The following TRMT9B variants were observed in gnomAD, a reference collection of about 807,000 sequenced individuals.
TRMT9B encodes probable tRNA methyltransferase 9B.
In TRMT9B, 16 loss-of-function variants were observed where a neutral mutation model predicts 11.5. That is an observed-to-expected ratio of 1.39 (90% CI 0.94 to 2.11). TRMT9B has a LOEUF of 2.11. TRMT9B is among the 30% of genes most tolerant of loss of function. TRMT9B has a pLI of 0.00. For missense variants in TRMT9B, 941 were observed against 553.8 expected, an observed-to-expected ratio of 1.70 and a Z score of -7.02; for synonymous variants, 274 against 192.4, an observed-to-expected ratio of 1.42 and a Z score of -3.51.
chr8:12,965,317 T>G (rs1038318244), intron 1 of TRMT9B, among the ~76,000 whole-genome samples: 1 of 152,078 alleles, frequency 6.6e-6, no homozygotes, highest in South Asian at 2.1e-4. Context: ...AGGAGCTCAG[T>G]TGGAAAGAAA....
At chr8:13,013,533 A>G (rs934857146) in intron 4 of TRMT9B, among the ~76,000 whole-genome samples, 2 of 152,260 alleles carry the variant, frequency 1.3e-5, no homozygotes, top group Admixed American at 6.5e-5. Flanking sequence ...GACATCTGCC[A>G]TATTTAAATA....
At chr8:13,011,884 T>C (rs945611364) in intron 3 of TRMT9B, 1 of 984,552 alleles carries the variant, frequency 1.0e-6, no homozygotes, top group Non-Finnish European at 1.2e-6. Context: ...TTTAAAAATT[T>C]GAAAGGCATG....
rs138980041 is a variant in TRMT9B, at chr8:12,969,687, G to C, written c.-199-21147G>C. 2.0e-5 allele frequency among the ~76,000 whole-genome samples: 3 copies of C among 150,636 alleles called. No homozygotes were observed. The East Asian group carries it at 5.9e-4, about 29-fold the overall frequency. On this transcript the variant is annotated intron_variant, in intron 1 of 4. Coordinates refer to ENST00000524591, the MANE Select transcript of TRMT9B (RefSeq NM_020844.3). ...TGTTTCTTTCTTCTTTTTTTAGAGA[G>C]TGAGTGTCTCTCTATACCGCAGGCT... is the stretch of plus-strand genomic sequence containing the variant.
intron 1 of TRMT9B, among the ~76,000 whole-genome samples, chr8:12,966,515 T>C (rs1802843921): frequency 6.6e-6 from 1 of 152,248 alleles, no homozygotes; most frequent in South Asian, 2.1e-4. Flanking sequence ...GTGTTACTTA[T>C]AGACTATTTA....
intron 4 of TRMT9B, among the ~76,000 whole-genome samples, chr8:13,014,872 C>A (rs768588170): frequency 6.6e-6 from 1 of 151,834 alleles, no homozygotes; most frequent in Non-Finnish European, 1.5e-5. Context: ...ACCAGCCTGG[C>A]CAAGAAGGTG....
chr8:12,971,224 C>T (rs1803573335), intron 1 of TRMT9B, among the ~76,000 whole-genome samples: 1 of 152,010 alleles, frequency 6.6e-6, no homozygotes, highest in African/African-American at 2.4e-5. Context: ...ATTTTTCTTT[C>T]TTTTTGTTTC....
chr8:13,008,791 C>G (rs568722524), intron 3 of TRMT9B, among the ~76,000 whole-genome samples: 1,882 of 152,200 alleles, frequency 0.012, 43 homozygotes, highest in African/African-American at 0.044. Context: ...TGCAGGGGCG[C>G]CATCTCGGCT....
At position 13,021,100 on chromosome 8, in the gene TRMT9B, G is replaced by C; in HGVS notation, c.421G>C (p.Val141Leu). The stretch of plus-strand genomic sequence containing the variant: ...TCCCGGAGGCCAACTGATGATTTAC[G>C]TTTGGGCAATGGAACAAAAGAACCG... ...LVPGGQLMIY[V>L]WAMEQKNRHF... Residue 141 changes from valine (V) to leucine (L), a missense_variant, in exon 5 of 5, where the codon GTT becomes CTT. Val to Leu is a conservative substitution (Grantham distance 32). Transcript: ENST00000524591. The C allele has an allele frequency of 1.2e-6, 2 of 1,611,072 alleles. No individual in the cohort carries two copies. Among genetic ancestry groups the C allele is most frequent in the Non-Finnish European group, 8.5e-7 (1 of 1,178,186 alleles).
Position 13,006,584 on chromosome 8 carries a change from T to A in TRMT9B, c.154+228T>A, listed in dbSNP as rs965710983. The stretch of plus-strand genomic sequence containing the variant: ...GAATCCTGAAATTGCACCCTTGGCA[T>A]GCCAGTACCTAGAATATTCATTTTA... On this transcript the variant is annotated intron_variant, in intron 3 of 4. Transcript: ENST00000524591. The A allele has an allele frequency of 5.6e-6, 8 of 1,420,072 alleles. No homozygotes were observed. The African/African-American group carries it at 1.0e-4, about 18-fold the overall frequency. The allele number at this position is 1,420,072 out of a possible 1,614,324, so 88.0% of individuals were successfully genotyped here. A position where few individuals can be genotyped will look rare whatever the true frequency, so the allele number is the denominator to read the frequency against.
chr8:12,986,357 T>C (rs532297041), intron 1 of TRMT9B, among the ~76,000 whole-genome samples: 1 of 152,168 alleles, frequency 6.6e-6, no homozygotes, highest in African/African-American at 2.4e-5. Context: ...ACAGTAGACA[T>C]TCATTGAACA....
intron 4 of TRMT9B, among the ~76,000 whole-genome samples, chr8:13,014,937 T>A (rs1307163484): frequency 6.6e-6 from 1 of 151,930 alleles, no homozygotes; most frequent in Non-Finnish European, 1.5e-5. Flanking sequence ...GGTGAGCACT[T>A]GTAATCCCAC....
intron 1 of TRMT9B, among the ~76,000 whole-genome samples, chr8:12,986,251 C>G (rs894514725): frequency 3.3e-5 from 5 of 152,174 alleles, no homozygotes; most frequent in African/African-American, 9.7e-5. Context: ...ATGCCCAAGT[C>G]TAAAACCTAC....
At chr8:12,968,077 A>T (rs1563327817) in intron 1 of TRMT9B, among the ~76,000 whole-genome samples, 1 of 152,070 alleles carries the variant, frequency 6.6e-6, no homozygotes, top group Non-Finnish European at 1.5e-5. Flanking sequence ...TAAAGATGGG[A>T]TTTCACCATG....
rs1449027858 is a variant in TRMT9B at position 13,025,055 on chromosome 8, T to C, written c.*3011T>C. ...ATGCTGTCGGCCTCAACTTGCTTGA[T>C]GATAGATTCTACTGACCTAGCTGGA... is the stretch of plus-strand genomic sequence containing the variant. On this transcript the variant is annotated 3_prime_UTR_variant, in exon 5 of 5. Transcript: ENST00000524591. The C allele has an allele frequency of 6.0e-6, 1 of 167,080 alleles. No individual in the cohort carries two copies. Among genetic ancestry groups the C allele is most frequent in the Non-Finnish European group, 1.5e-5 (1 of 68,126 alleles). The allele number at this position is 167,080 out of a possible 1,614,324, so 10.3% of individuals were successfully genotyped here.
chr8:12,969,821 A>ACCACCACAC (rs1563330985), intron 1 of TRMT9B, among the ~76,000 whole-genome samples: 1 of 149,696 alleles, frequency 6.7e-6, no homozygotes, highest in Non-Finnish European at 1.5e-5. Context: ...ACAGGCCTGC[A>ACCACCACAC]CCACCACACC....
In TRMT9B at chr8:12,969,949, G is replaced by A. The variant is rs1166826019; in HGVS notation, c.-199-20885G>A. ...TCCTCCCACCTCAGCTTCCCAAAAT[G>A]CTGGAATTACAGGCATGATTCTGAT... On this transcript the variant is annotated intron_variant, in intron 1 of 4. Transcript: ENST00000524591. The A allele has an allele frequency of 2.0e-5, 3 of 148,602 alleles. No homozygotes were observed. The East Asian group carries it at 5.9e-4, about 29-fold the overall frequency. The allele number at this position is 148,602 out of a possible 1,614,324, so 9.2% of individuals were successfully genotyped here. A position where few individuals can be genotyped will look rare whatever the true frequency, so the allele number is the denominator to read the frequency against.
At chr8:13,010,471 A>T (rs774951237) in intron 3 of TRMT9B, 22 of 985,060 alleles carry the variant, frequency 2.2e-5, no homozygotes, top group Non-Finnish European at 2.7e-5. Context: ...CAGCTGTTTG[A>T]TGAATAGACA....
chr8:12,967,469 C>A (rs1361832076), intron 1 of TRMT9B, among the ~76,000 whole-genome samples: 4 of 152,138 alleles, frequency 2.6e-5, no homozygotes, highest in Non-Finnish European at 5.9e-5. Flanking sequence ...TTTGTTTACC[C>A]CAGAGATTTT....
At chr8:12,987,337 C>T (rs1353940481) in intron 1 of TRMT9B, among the ~76,000 whole-genome samples, 1 of 152,116 alleles carries the variant, frequency 6.6e-6, no homozygotes, top group African/African-American at 2.4e-5. Flanking sequence ...AGACACTTCT[C>T]CACTTATGAT....
Sources: gnomAD v4.1 joint callset for allele counts (sites outside exome capture counted in the v4.1 genomes callset) on GRCh38, gnomAD v4.1.1 for gene constraint, MANE v1.5 for transcripts, NCBI Gene and HGNC (gene_info 2026-07-23, HGNC 2026-07-21) for gene names.